Variants in ZNF385B observed in about 807,000 individuals in gnomAD.
The protein encoded by ZNF385B is zinc finger protein 533.
A neutral mutation model predicts 39.2 loss-of-function variants in ZNF385B; 23 were observed. That is an observed-to-expected ratio of 0.59 (90% CI 0.42 to 0.83). The LOEUF is 0.83. ZNF385B is among the 40% of genes least tolerant of loss of function. The pLI is 0.00. For synonymous variants in ZNF385B, 205 were observed against 222.6 expected, an observed-to-expected ratio of 0.92 and a Z score of 0.70; for missense variants, 552 against 598.9, an observed-to-expected ratio of 0.92 and a Z score of 0.82.
At chr2:179,715,252 TG>T (rs1350615683) in intron 3 of ZNF385B, among the ~76,000 whole-genome samples, 1 of 152,182 alleles carries the variant, frequency 6.6e-6, no homozygotes, top group East Asian at 1.9e-4. Context: ...AAACTGCCCA[TG>T]TCCCACCACC....
At chr2:179,720,695 C>T (rs1700632769) in intron 3 of ZNF385B, among the ~76,000 whole-genome samples, 1 of 151,964 alleles carries the variant, frequency 6.6e-6, no homozygotes, top group Non-Finnish European at 1.5e-5. Flanking sequence ...AAATATAAAA[C>T]ATAAAAGCAT....
chr2:179,674,211 T>C (rs1696435876), intron 3 of ZNF385B, among the ~76,000 whole-genome samples: 1 of 152,156 alleles, frequency 6.6e-6, no homozygotes, highest in African/African-American at 2.4e-5. Context: ...ATATGCACTG[T>C]AGATAATTAA....
chr2:179,509,188 C>T (rs2057475414), intron 5 of ZNF385B, among the ~76,000 whole-genome samples: 2 of 152,062 alleles, frequency 1.3e-5, no homozygotes, highest in Non-Finnish European at 1.5e-5. Flanking sequence ...CGTCGTGATC[C>T]ATCATAATCA....
chr2:179,623,216 A>G lies in ZNF385B; in HGVS notation c.299-78247T>C, dbSNP rs12614863. Among the ~76,000 whole-genome samples, 75 of 152,208 alleles carry G rather than the reference A, an allele frequency of 4.9e-4. 1 individual carries two copies. In the East Asian group the frequency reaches 0.014, roughly 29 times the overall value. ...CCGGAGAATTTAGCTCCAAAAATCA[A>G]TCAAGAACTCAAGAGTAAATGAAAG... On this transcript the variant is annotated intron_variant, in intron 3 of 9. Coordinates refer to ENST00000410066, the MANE Select transcript of ZNF385B (RefSeq NM_152520.6).
chr2:179,620,266 C>T (rs1690098837), intron 3 of ZNF385B, among the ~76,000 whole-genome samples: 1 of 152,180 alleles, frequency 6.6e-6, no homozygotes, highest in Admixed American at 6.6e-5. Flanking sequence ...GATCCTCTCA[C>T]TTGTAACTTG....
intron 1 of ZNF385B, among the ~76,000 whole-genome samples, chr2:179,857,323 G>C (rs1192226223): frequency 6.6e-6 from 1 of 152,160 alleles, no homozygotes; most frequent in Non-Finnish European, 1.5e-5. Context: ...TTGGTGCAGT[G>C]CCCTTAGGGG....
chr2:179,459,621 G>GTGTGTA (rs2051087965), intron 6 of ZNF385B, among the ~76,000 whole-genome samples: 1 of 146,952 alleles, frequency 6.8e-6, no homozygotes, highest in African/African-American at 2.5e-5. Flanking sequence ...GTGTGTATGT[G>GTGTGTA]TGTGTGGATT....
chr2:179,493,763 GTATA>G (rs2055763812), intron 5 of ZNF385B, among the ~76,000 whole-genome samples: 1 of 85,356 alleles, frequency 1.2e-5, no homozygotes, highest in Non-Finnish European at 2.6e-5. Context: ...ATACATATAT[GTATA>G]CATATATGTA....
chr2:179,791,000 G>A (rs561310227), intron 1 of ZNF385B, among the ~76,000 whole-genome samples: 36 of 152,178 alleles, frequency 2.4e-4, no homozygotes, highest in African/African-American at 7.9e-4. Context: ...CATCCTTCAC[G>A]GGGAACCCAA....
chr2:179,504,390 C>T (rs1010373971), intron 5 of ZNF385B, among the ~76,000 whole-genome samples: 1 of 151,914 alleles, frequency 6.6e-6, no homozygotes, highest in Non-Finnish European at 1.5e-5. Context: ...GGGTATATAT[C>T]CAGTAATGGG....
intron 3 of ZNF385B, among the ~76,000 whole-genome samples, chr2:179,700,468 G>A (rs1181397912): frequency 7.7e-6 from 1 of 130,446 alleles, no homozygotes; most frequent in African/African-American, 2.8e-5. Context: ...CCCTGGTCTT[G>A]AGTAAATGTT....
rs559668448 is a variant in ZNF385B at position 179,702,735 on chromosome 2, A to G, written c.298+66768T>C. Among the ~76,000 whole-genome samples, 6 of 152,344 alleles carry G rather than the reference A, an allele frequency of 3.9e-5. No homozygotes were observed. The East Asian group carries it at 9.6e-4, about 24-fold the overall frequency. ...GTTCTTTATGGGACAATTTCCATTA[A>G]ATATAGTTAAGATTGGTTAAGTATG... On this transcript the variant is annotated intron_variant, in intron 3 of 9. Coordinates refer to ENST00000410066, the MANE Select transcript of ZNF385B (RefSeq NM_152520.6).
At chr2:179,520,863 A>T (rs1260158848) in intron 4 of ZNF385B, among the ~76,000 whole-genome samples, 1 of 152,200 alleles carries the variant, frequency 6.6e-6, no homozygotes, top group Non-Finnish European at 1.5e-5. Context: ...TTTAAATCAA[A>T]TTGAAGTACA....
At chr2:179,632,840 A>G (rs1691365098) in intron 3 of ZNF385B, among the ~76,000 whole-genome samples, 1 of 152,224 alleles carries the variant, frequency 6.6e-6, no homozygotes, top group Admixed American at 6.5e-5. Flanking sequence ...AGAAGAATCA[A>G]ATAGACACAA....
intron 3 of ZNF385B, among the ~76,000 whole-genome samples, chr2:179,567,371 T>G (rs1251097256): frequency 1.3e-5 from 2 of 152,206 alleles, no homozygotes; most frequent in African/African-American, 2.4e-5. Context: ...CTGTTACTTT[T>G]GCTTCCACCA....
chr2:179,696,922 G>A (rs763943535), intron 3 of ZNF385B, among the ~76,000 whole-genome samples: 2 of 152,174 alleles, frequency 1.3e-5, no homozygotes, highest in Non-Finnish European at 1.5e-5. Context: ...AACAATAGTC[G>A]AACCACAATG....
intron 3 of ZNF385B, among the ~76,000 whole-genome samples, chr2:179,580,450 C>A (rs1407476294): frequency 6.6e-6 from 1 of 152,150 alleles, no homozygotes; most frequent in Admixed American, 6.5e-5. Flanking sequence ...GTGTTATGGA[C>A]TGAGTATTTA....
chr2:179,663,976 TA>T (rs1285039965), intron 3 of ZNF385B, among the ~76,000 whole-genome samples: 1 of 152,060 alleles, frequency 6.6e-6, no homozygotes, highest in Admixed American at 6.5e-5. Flanking sequence ...GCAGCAGAAT[TA>T]AACTAAAGTT....
chr2:179,655,508 T>C (rs953493714), intron 3 of ZNF385B, among the ~76,000 whole-genome samples: 27 of 147,430 alleles, frequency 1.8e-4, no homozygotes, highest in African/African-American at 6.4e-4. Flanking sequence ...AAAAAAACCC[T>C]GAACACATGT....
Sources: allele counts gnomAD v4.1 joint callset (sites outside exome capture counted in the v4.1 genomes callset), GRCh38; gene constraint gnomAD v4.1.1; transcripts MANE v1.5; gene names NCBI Gene and HGNC (gene_info 2026-07-23, HGNC 2026-07-21).